Variants in EGFLAM observed in about 807,000 individuals in gnomAD.
The protein encoded by EGFLAM is pikachurin.
A neutral mutation model predicts 113.1 loss-of-function variants in EGFLAM; 79 were observed. The observed-to-expected ratio is 0.70, with a 90% CI of 0.58 to 0.84. The LOEUF is 0.84. Among genes scored for constraint, EGFLAM ranks in the 40% least tolerant of loss-of-function variants. The probability of loss-of-function intolerance (pLI) is 0.00; values close to 1 mark genes in which losing one functional copy is unlikely to be tolerated. For synonymous variants in EGFLAM, 504 were observed against 487.6 expected, an observed-to-expected ratio of 1.03 and a Z score of -0.44; for missense variants, 1,265 against 1,291.6, an observed-to-expected ratio of 0.98 and a Z score of 0.32.
chr5:38,435,746 T>G (rs1742322382), intron 16 of EGFLAM, among the ~76,000 whole-genome samples: 1 of 151,836 alleles, frequency 6.6e-6, no homozygotes, highest in Non-Finnish European at 1.5e-5. Flanking sequence ...TAAAGAGTTC[T>G]TCCCTAGAAG....
chr5:38,351,941 C>T (rs576265806), intron 4 of EGFLAM, among the ~76,000 whole-genome samples: 32 of 152,142 alleles, frequency 2.1e-4, no homozygotes, highest in African/African-American at 6.7e-4. Context: ...AGGGGTGCAA[C>T]GGGGAGAAGG....
At chr5:38,406,337 C>G in intron 7 of EGFLAM, 96 bp downstream of exon 7, 1 of 1,035,880 alleles carries the variant, frequency 9.7e-7, no homozygotes, top group Non-Finnish European at 1.4e-6. Context: ...TTACTTAAAA[C>G]TTAAATGTGC....
intron 1 of EGFLAM, among the ~76,000 whole-genome samples, chr5:38,325,597 C>T (rs968948648): frequency 6.6e-6 from 1 of 152,230 alleles, no homozygotes; most frequent in Non-Finnish European, 1.5e-5. Flanking sequence ...CTCCCTCTCT[C>T]TGTCCTCTCA....
intron 10 of EGFLAM, among the ~76,000 whole-genome samples, chr5:38,411,861 T>C (rs1260951794): frequency 6.6e-6 from 1 of 151,694 alleles, no homozygotes; most frequent in African/African-American, 2.4e-5. Context: ...AGGCAGTGGC[T>C]TGATCTTGGC....
chr5:38,293,554 A>C lies in EGFLAM; in HGVS notation c.97+34703A>C, dbSNP rs1374834423. On this transcript the variant is annotated intron_variant, in intron 1 of 21. Coordinates refer to ENST00000322350, the MANE Select transcript of EGFLAM (RefSeq NM_152403.4). ...ATAAACAGTTATCCACACACACAAA[A>C]TGTGAAAACATATTTTTTCCTTAGC... 2.0e-5 allele frequency among the ~76,000 whole-genome samples: 3 copies of C among 152,190 alleles called. No individual in the cohort carries two copies. The East Asian group carries it at 5.8e-4, about 29-fold the overall frequency.
intron 14 of EGFLAM, chr5:38,429,817 T>C (rs1354007983): frequency 6.6e-6 from 1 of 152,394 alleles, no homozygotes; most frequent in African/African-American, 2.4e-5. Context: ...TCATCACATA[T>C]CTAGCCATTA....
intron 6 of EGFLAM, among the ~76,000 whole-genome samples, chr5:38,398,399 T>C (rs1208931598): frequency 6.6e-6 from 1 of 152,210 alleles, no homozygotes; most frequent in Non-Finnish European, 1.5e-5. Flanking sequence ...ATTACATTTA[T>C]GAAATCATCA....
intron 12 of EGFLAM, among the ~76,000 whole-genome samples, chr5:38,421,884 G>C (rs1022631451): frequency 6.6e-6 from 1 of 152,176 alleles, no homozygotes; most frequent in African/African-American, 2.4e-5. Context: ...TGGGTGCCAT[G>C]ATCTAGTTTG....
At chr5:38,454,362 G>A (rs1249231770) in intron 19 of EGFLAM, among the ~76,000 whole-genome samples, 2 of 146,550 alleles carry the variant, frequency 1.4e-5, no homozygotes, top group African/African-American at 5.6e-5. Flanking sequence ...TCCCCCACGT[G>A]GGCTCATGAG....
chr5:38,272,618 A>G (rs1299463783), intron 1 of EGFLAM, among the ~76,000 whole-genome samples: 1 of 152,214 alleles, frequency 6.6e-6, no homozygotes, highest in Non-Finnish European at 1.5e-5. Context: ...GCCAAAAGCT[A>G]GAGTGTTTGC....
intron 1 of EGFLAM, among the ~76,000 whole-genome samples, chr5:38,315,089 T>G (rs539210729): frequency 6.6e-6 from 1 of 152,308 alleles, no homozygotes; most frequent in East Asian, 1.9e-4. Context: ...TTGACTAAAA[T>G]CAACATAGAT....
chr5:38,281,630 G>T (rs1193565083), intron 1 of EGFLAM, among the ~76,000 whole-genome samples: 1 of 152,060 alleles, frequency 6.6e-6, no homozygotes, highest in East Asian at 1.9e-4. Context: ...GAAGTGGCAC[G>T]GGGAAATTGA....
intron 17 of EGFLAM, among the ~76,000 whole-genome samples, chr5:38,443,215 G>A (rs1418150386): frequency 1.3e-5 from 2 of 152,320 alleles, no homozygotes; most frequent in East Asian, 3.9e-4. Flanking sequence ...GCAGTAAGCC[G>A]AGATCGTGCC....
At chr5:38,405,109 G>A (rs1741239571) in intron 6 of EGFLAM, among the ~76,000 whole-genome samples, 1 of 151,910 alleles carries the variant, frequency 6.6e-6, no homozygotes, top group Admixed American at 6.6e-5. Flanking sequence ...TTGGTTGTGG[G>A]AGTGTTTACT....
In EGFLAM at chr5:38,424,984, A is replaced by C; in HGVS notation, c.1702A>C (p.Ile568Leu). The change falls in exon 13 of 22, where the codon ATC becomes CTC. Residue 568 changes from isoleucine to leucine, a missense_variant. Physicochemically the swap from Ile to Leu is conservative, Grantham distance 5. Coordinates refer to ENST00000322350, the MANE Select transcript of EGFLAM (RefSeq NM_152403.4). The part of the protein sequence containing the change: ...GADVGECSSG[I>L]CDEASCIHGG... ...GTATTTAGGGGAATGCAGCAGTGGA[A>C]TCTGTGATGAGGCCTCGTGCATCCA... The C allele has an allele frequency of 6.2e-7, 1 of 1,613,898 alleles. No homozygotes were observed. Among genetic ancestry groups the C allele is most frequent in the Non-Finnish European group, 8.5e-7 (1 of 1,179,866 alleles).
At chr5:38,356,413 G>A (rs1277135948) in intron 5 of EGFLAM, among the ~76,000 whole-genome samples, 2 of 152,204 alleles carry the variant, frequency 1.3e-5, no homozygotes, top group Non-Finnish European at 2.9e-5. Context: ...CACTCAGCGT[G>A]TATCTGTTTC....
intron 6 of EGFLAM, among the ~76,000 whole-genome samples, chr5:38,376,958 C>T (rs549220608): frequency 5.3e-5 from 8 of 152,264 alleles, no homozygotes; most frequent in African/African-American, 1.4e-4. Context: ...TCCTGAGCCA[C>T]TGTGCTCGAC....
chr5:38,290,104 T>TGAA (rs1342773812), intron 1 of EGFLAM, among the ~76,000 whole-genome samples: 1 of 151,732 alleles, frequency 6.6e-6, no homozygotes, highest in Non-Finnish European at 1.5e-5. Context: ...ACCACAGAGA[T>TGAA]GAAGACTTGG....
chr5:38,358,168 G>A (rs1011226995), intron 5 of EGFLAM, among the ~76,000 whole-genome samples: 3 of 151,576 alleles, frequency 2.0e-5, no homozygotes, highest in Non-Finnish European at 2.9e-5. Context: ...TAACCTGGCC[G>A]GGCGTGGTGG....
Sources: allele counts gnomAD v4.1 joint callset (sites outside exome capture counted in the v4.1 genomes callset), GRCh38; gene constraint gnomAD v4.1.1; transcripts MANE v1.5; gene names NCBI Gene and HGNC (gene_info 2026-07-23, HGNC 2026-07-21).